GEN1: variants seen among roughly 807,000 people sequenced by gnomAD.
The protein encoded by GEN1 is GEN1 structure-specific endonuclease, also known as flap endonuclease GEN homolog 1.
Under a neutral mutation model 67.6 loss-of-function variants are expected in GEN1, and 64 were observed. The observed-to-expected ratio is 0.95, with a 90% CI of 0.77 to 1.17. GEN1 has a LOEUF of 1.17. Ranked by LOEUF, GEN1 falls within the 50% of genes most tolerant of loss-of-function variation. The pLI is 0.00. For synonymous variants in GEN1, 371 were observed against 359.4 expected, an observed-to-expected ratio of 1.03 and a Z score of -0.37; for missense variants, 1,058 against 1,048.3, an observed-to-expected ratio of 1.01 and a Z score of -0.13.
chr2:17,772,888 A>T, intron 8 of GEN1, 104 bp downstream of exon 8: 1 of 1,120,696 alleles, frequency 8.9e-7, no homozygotes, highest in Non-Finnish European at 1.2e-6. Context: ...GATTAGTCAC[A>T]TGTTTAACTA....
chr2:17,759,942 G>A lies in GEN1; in HGVS notation c.-2G>A, dbSNP rs1372380486. 1 of 1,613,672 alleles carries A rather than the reference G, an allele frequency of 6.2e-7. No individual in the cohort carries two copies. Among genetic ancestry groups the A allele is most frequent in the South Asian group, 1.1e-5 (1 of 91,052 alleles). On this transcript the variant is annotated 5_prime_UTR_variant, in exon 2 of 14. Coordinates refer to ENST00000381254, the MANE Select transcript of GEN1 (RefSeq NM_001130009.3). ...TTCACATAACAGCAGATAATCACCAGAATGGGAGTGAATGACTTGTGGCAA... is the reference window on the plus strand; with the variant it reads ...TTCACATAACAGCAGATAATCACCAAAATGGGAGTGAATGACTTGTGGCAA...
In GEN1 at chr2:17,771,227, T is replaced by C. The variant is rs756822222; in HGVS notation, c.742T>C (p.Ser248Pro). 1 of 1,612,214 alleles carries C rather than the reference T, an allele frequency of 6.2e-7. No homozygotes were observed. Among genetic ancestry groups the C allele is most frequent in the Non-Finnish European group, 8.5e-7 (1 of 1,178,544 alleles). The change falls in exon 7 of 14, where the codon TCT becomes CCT. Residue 248 changes from serine (S) to proline (P), a missense_variant. By Grantham distance (74) the Ser-to-Pro change is moderately conservative (BLOSUM62 -1). Transcript: ENST00000381254. Reference protein sequence around the residue: ...FNRWNETSCNSSPQLLVTKKL... With the variant: ...FNRWNETSCNPSPQLLVTKKL... ...TCGGTGGAATGAAACATCTTGTAAC[T>C]CTAGTCCACAACTGCTAGTCACTAA...
rs570892902 is a variant in GEN1 at position 17,766,652 on chromosome 2, G to T, written c.599G>T (p.Gly200Val). The T allele has an allele frequency of 6.2e-7, 1 of 1,606,242 alleles. No homozygotes were observed. The highest frequency in any genetic ancestry group is 1.1e-5 in the South Asian group (1 of 90,736). ...GGTTTGGATAGAGATGCTCTGGTTG[G>T]ATTAGCAATACTTCTTGGCTGTGAT... Reference protein sequence around the residue: ...KLGLDRDALVGLAILLGCDYL... With the variant: ...KLGLDRDALVVLAILLGCDYL... The change falls in exon 5 of 14, where the codon GGA (glycine) becomes GTA (valine). Residue 200 changes from glycine to valine, a missense_variant. Physicochemically the swap from Gly to Val is moderately radical, Grantham distance 109. Transcript: ENST00000381254.
intron 6 of GEN1, among the ~76,000 whole-genome samples, chr2:17,769,091 C>T (rs1462319327): frequency 1.3e-5 from 2 of 152,058 alleles, no homozygotes; most frequent in African/African-American, 4.8e-5. Context: ...GCAATCACTG[C>T]TCACTGCAAT....
intron 4 of GEN1, 106 bp downstream of exon 4, chr2:17,765,179 A>G: frequency 1.0e-6 from 1 of 997,018 alleles, no homozygotes. Flanking sequence ...AATGCCTTGC[A>G]CGTAGCAATT....
intron 3 of GEN1, among the ~76,000 whole-genome samples, chr2:17,764,215 A>T (rs979461177): frequency 5.3e-5 from 8 of 152,180 alleles, no homozygotes; most frequent in African/African-American, 2.4e-5. Context: ...GCAGTTTCCC[A>T]CAATACGAGA....
In GEN1 at chr2:17,778,281, TAC is replaced by T. The variant is rs200235382; in HGVS notation, c.1264+226_1264+227del. Among the ~76,000 whole-genome samples, 461 of 63,610 alleles carry T rather than the reference TAC, an allele frequency of 7.2e-3. 125 individuals are homozygous for T. Among genetic ancestry groups the T allele is most frequent in the African/African-American group, 0.03 (367 of 12,212 alleles). 41.7% of individuals were successfully genotyped at this position (63,610 alleles called of 152,430 possible). ...ACATATGTGTGTACATATATGTATA[TAC>T]ACACACATGTGTGTGTACATATATG... is the stretch of plus-strand genomic sequence containing the variant. On this transcript the variant is annotated intron_variant, in intron 12 of 13. Transcript: ENST00000381254.
chr2:17,765,717 C>G (rs1671896749), intron 4 of GEN1, among the ~76,000 whole-genome samples: 1 of 152,176 alleles, frequency 6.6e-6, no homozygotes, highest in African/African-American at 2.4e-5. Context: ...TGATGTAATA[C>G]AGTGCAGTCA....
chr2:17,759,084 TA>T (rs1671556075), intron 1 of GEN1, among the ~76,000 whole-genome samples: 1 of 152,252 alleles, frequency 6.6e-6, no homozygotes, highest in Middle Eastern at 3.2e-3. Context: ...TCTTTTGACT[TA>T]ATATATTATT....
intron 1 of GEN1, among the ~76,000 whole-genome samples, chr2:17,759,278 T>C (rs1173768277): frequency 1.3e-5 from 2 of 152,160 alleles, no homozygotes; most frequent in Non-Finnish European, 2.9e-5. Flanking sequence ...CTATAGAAAA[T>C]ACCAAACCAG....
At chr2:17,758,051 A>T (rs1671506646) in intron 1 of GEN1, among the ~76,000 whole-genome samples, 1 of 152,134 alleles carries the variant, frequency 6.6e-6, no homozygotes, top group African/African-American at 2.4e-5. Flanking sequence ...TATCCTACTG[A>T]TTTATTTGCT....
Position 17,781,970 on chromosome 2 carries a change from T to C in GEN1, c.*31T>C. ...AAAACACTTAGGTATAACTTAACTA[T>C]TTTAGTACTATCAGCAATAGCAGAG... is the stretch of plus-strand genomic sequence containing the variant. On this transcript the variant is annotated 3_prime_UTR_variant, in exon 14 of 14. Coordinates refer to ENST00000381254, the MANE Select transcript of GEN1 (RefSeq NM_001130009.3). 1 of 1,227,134 alleles carries C rather than the reference T, an allele frequency of 8.1e-7. No individual in the cohort carries two copies. Among genetic ancestry groups the C allele is most frequent in the East Asian group, 2.4e-5 (1 of 42,506 alleles). The allele number at this position is 1,227,134 out of a possible 1,614,324, so 76.0% of individuals were successfully genotyped here. A position where few individuals can be genotyped will look rare whatever the true frequency, so the allele number is the denominator to read the frequency against.
In GEN1 at chr2:17,785,884, G is replaced by A. The variant is rs1407530419; in HGVS notation, c.*3945G>A. Reference sequence around the variant, plus strand: ...ACTTCACTCCAGGATGGGCGAAAAAGTGTCTAAAAAAAATTAAAATTTAAA... The same window carrying A: ...ACTTCACTCCAGGATGGGCGAAAAAATGTCTAAAAAAAATTAAAATTTAAA... On this transcript the variant is annotated 3_prime_UTR_variant, in exon 14 of 14. Coordinates refer to ENST00000381254, the MANE Select transcript of GEN1 (RefSeq NM_001130009.3). The A allele has an allele frequency of 6.6e-6, 1 of 151,946 alleles. No individual in the cohort carries two copies. The highest frequency in any genetic ancestry group is 1.9e-4 in the East Asian group (1 of 5,186). The allele number at this position is 151,946 out of a possible 1,614,324, so 9.4% of individuals were successfully genotyped here.
At position 17,774,385 on chromosome 2, in the gene GEN1, C is replaced by A; in HGVS notation, c.1186C>A (p.Gln396Lys). The change falls in exon 11 of 14, where the codon CAA (glutamine) becomes AAA (lysine). Residue 396 changes from glutamine (Q) to lysine (K), a missense_variant. Physicochemically the swap from Gln to Lys is moderately conservative, Grantham distance 53. Coordinates refer to ENST00000381254, the MANE Select transcript of GEN1 (RefSeq NM_001130009.3). Reference protein sequence around the residue: ...ERKLGSRNSNQLQPIRIVKTR... With the variant: ...ERKLGSRNSNKLQPIRIVKTR... The stretch of plus-strand genomic sequence containing the variant: ...AAAGCTTGGTAGCAGAAACTCTAAT[C>A]AACTACAGCCAATTCGGTAATGTAA... 6.2e-7 allele frequency: 1 copy of A among 1,601,542 alleles called. No homozygotes were observed. Among genetic ancestry groups the A allele is most frequent in the South Asian group, 1.1e-5 (1 of 88,744 alleles).
intron 2 of GEN1, 34 bp downstream of exon 2, chr2:17,760,138 A>G (rs755829251): frequency 3.2e-6 from 5 of 1,574,396 alleles, no homozygotes; most frequent in Non-Finnish European, 4.3e-6. Context: ...TAAATGTATG[A>G]TGTATAAACA....
intron 1 of GEN1, chr2:17,754,727 T>A (rs1021875783): frequency 6.6e-5 from 10 of 152,276 alleles, no homozygotes; most frequent in Admixed American, 2.0e-4. Context: ...TTTTCCGTGT[T>A]AACCTTGTAT....
intron 4 of GEN1, 94 bp downstream of exon 4, chr2:17,765,167 G>C (rs1365446688): frequency 3.4e-6 from 4 of 1,188,888 alleles, no homozygotes; most frequent in Non-Finnish European, 3.7e-6. Context: ...AATGCTTACT[G>C]TAATGCCTTG....
intron 9 of GEN1, 24 bp downstream of exon 9, chr2:17,773,156 A>G (rs1672272215): frequency 4.5e-6 from 7 of 1,562,780 alleles, no homozygotes; most frequent in Non-Finnish European, 6.2e-6. Flanking sequence ...ATTCAACTCT[A>G]TTAATTTTAG....
At chr2:17,754,912 A>T (rs181825745) in intron 1 of GEN1, 137 of 152,342 alleles carry the variant, frequency 9.0e-4, no homozygotes, top group African/African-American at 3.1e-3. Flanking sequence ...CTCCCGCTTC[A>T]GTCTTTACAC....
Sources: gnomAD v4.1 joint callset for allele counts (sites outside exome capture counted in the v4.1 genomes callset) on GRCh38, gnomAD v4.1.1 for gene constraint, MANE v1.5 for transcripts, NCBI Gene and HGNC (gene_info 2026-07-23, HGNC 2026-07-21) for gene names.